The following SPOCK2 variants were observed in gnomAD, a reference collection of about 807,000 sequenced individuals.
The protein encoded by SPOCK2 is SPARC (osteonectin), cwcv and kazal like domains proteoglycan 2, also known as testican-2.
In SPOCK2, 39 loss-of-function variants were observed where a neutral mutation model predicts 60.1. The ratio of observed to expected loss-of-function variants is 0.65; its 90% CI spans 0.50 to 0.85. The LOEUF is 0.85. Ranked by LOEUF, SPOCK2 falls within the 40% of genes least tolerant of loss-of-function variation. The probability of loss-of-function intolerance (pLI) is 0.00; values close to 1 mark genes in which losing one functional copy is unlikely to be tolerated. For synonymous variants in SPOCK2, 217 were observed against 231.5 expected (o/e 0.94, Z 0.57); for missense variants, 523 against 567.4 (o/e 0.92, Z 0.80).
chr10:72,080,341 T>G (rs1321878541), intron 1 of SPOCK2, among the ~76,000 whole-genome samples: 2 of 152,220 alleles, frequency 1.3e-5, no homozygotes, highest in Non-Finnish European at 2.9e-5. Context: ...GCCCTGTATC[T>G]GCCATTATTT....
At chr10:72,071,001 G>A (rs545527328) in intron 4 of SPOCK2, among the ~76,000 whole-genome samples, 2 of 152,036 alleles carry the variant, frequency 1.3e-5, no homozygotes, top group Non-Finnish European at 2.9e-5. Flanking sequence ...AGAGTGGCCC[G>A]TGACCAAGCA....
chr10:72,088,439 C>T lies in SPOCK2; in HGVS notation c.-111G>A. 7.7e-7 allele frequency: 1 copy of T among 1,298,796 alleles called. No individual in the cohort carries two copies. Among genetic ancestry groups the T allele is most frequent in the Non-Finnish European group, 1.0e-6 (1 of 978,522 alleles). The allele number at this position is 1,298,796 out of a possible 1,614,324, so 80.5% of individuals were successfully genotyped here. On this transcript the variant is annotated 5_prime_UTR_variant, in exon 1 of 11. Transcript: ENST00000373109. Reference sequence around the variant, plus strand: ...GCGGCTGTCCTCAGCTCTCCTCCCGCGGTCTGCCTCCGGTGACTGGCGGAG... The same window carrying T: ...GCGGCTGTCCTCAGCTCTCCTCCCGTGGTCTGCCTCCGGTGACTGGCGGAG...
rs1840599498 is a variant in SPOCK2 at position 72,068,286 on chromosome 10, G to A, written c.490C>T (p.Gln164Ter). The A allele has an allele frequency of 6.2e-7, 1 of 1,611,172 alleles. No homozygotes were observed. The highest frequency in any genetic ancestry group is 8.5e-7 in the Non-Finnish European group (1 of 1,179,002). Residue 164 changes from glutamine to a stop codon, truncating the protein, a stop_gained, in exon 6 of 11, where the codon CAG becomes TAG. Coordinates refer to ENST00000373109, the MANE Select transcript of SPOCK2 (RefSeq NM_001244950.2). LOFTEE classifies it high-confidence loss of function. ...AGCTGCTTGCTGCTCAGGCACGCCT[G>A]TTGCTCCAGCTTACACTGCACATGG... ...TYSSVCKLEQ[Q>*]ACLSSKQLAV... is the part of the protein sequence containing the mutation.
At chr10:72,079,463 A>G (rs1336517105) in intron 1 of SPOCK2, among the ~76,000 whole-genome samples, 2 of 152,070 alleles carry the variant, frequency 1.3e-5, no homozygotes, top group African/African-American at 4.8e-5. Context: ...GCTGGTTTGG[A>G]GCTAACCCAT....
chr10:72,078,015 T>C (rs1403821953), intron 1 of SPOCK2, among the ~76,000 whole-genome samples: 3 of 152,118 alleles, frequency 2.0e-5, no homozygotes, highest in South Asian at 2.1e-4. Context: ...TGAAACTGAA[T>C]ATACAGTTTG....
At position 72,063,553 on chromosome 10, in the gene SPOCK2, C is replaced by T. The variant is rs562315779; in HGVS notation, c.992-391G>A. Among the ~76,000 whole-genome samples, 10 of 152,352 alleles carry T rather than the reference C, an allele frequency of 6.6e-5. No homozygotes were observed. The East Asian group carries it at 1.9e-3, about 29-fold the overall frequency. The stretch of plus-strand genomic sequence containing the variant: ...CCCTGCTAGGAAGGCCCAGCCTTCT[C>T]CTCCCAGCCACTCTGAGTCCGACCT... On this transcript the variant is annotated intron_variant, in intron 9 of 10. Transcript: ENST00000373109.
Position 72,067,488 on chromosome 10 carries a change from G to T in SPOCK2, c.709+125C>A. The T allele has an allele frequency of 2.0e-6, 3 of 1,492,184 alleles. No individual in the cohort carries two copies. The South Asian group carries it at 3.9e-5, about 19-fold the overall frequency. 92.4% of individuals were successfully genotyped at this position (1,492,184 alleles called of 1,614,324 possible). ...TCTTTGGGGTGAAGGTTCTTTTGGG[G>T]CCCAGATTGTAGGGCCCAGAGTCTG... On this transcript the variant is annotated intron_variant, in intron 7 of 10. Transcript: ENST00000373109.
In SPOCK2 at chr10:72,067,008, G is replaced by A. The variant is rs750364273; in HGVS notation, c.822C>T (p.Asn274=). 1.6e-5 allele frequency: 26 copies of A among 1,614,088 alleles called. No homozygotes were observed. The East Asian group carries it at 5.6e-4, about 35-fold the overall frequency. Residue 274 remains asparagine, a synonymous_variant, in exon 8 of 11, where the codon AAC becomes AAT. Coordinates refer to ENST00000373109, the MANE Select transcript of SPOCK2 (RefSeq NM_001244950.2). ...FLDQTELAAI[N]LDKYEVCIRP... is the part of the protein sequence containing the mutation. ...GGATGCAGACCTCGTACTTGTCCAGGTTGATGGCGGCCAGCTCCGTCTGGT... is the reference window on the plus strand; with the variant it reads ...GGATGCAGACCTCGTACTTGTCCAGATTGATGGCGGCCAGCTCCGTCTGGT...
intron 6 of SPOCK2, 99 bp downstream of exon 6, chr10:72,068,088 C>A: frequency 7.2e-7 from 1 of 1,382,636 alleles, no homozygotes; most frequent in South Asian, 1.3e-5. Flanking sequence ...TGCCACTTCC[C>A]TCTTGCTCTG....
In SPOCK2 at chr10:72,060,814, C is replaced by T. The variant is rs922506620; in HGVS notation, c.*1946G>A. ...GTTAAGTGGGGCTCTGCTATTTCCC[C>T]CAAGAAGGACTCGGAAGATGTTGAT... On this transcript the variant is annotated 3_prime_UTR_variant, in exon 11 of 11. Coordinates refer to ENST00000373109, the MANE Select transcript of SPOCK2 (RefSeq NM_001244950.2). 6.6e-6 allele frequency: 1 copy of T among 152,228 alleles called. No individual in the cohort carries two copies. The highest frequency in any genetic ancestry group is 2.4e-5 in the African/African-American group (1 of 41,418). 9.4% of individuals were successfully genotyped at this position (152,228 alleles called of 1,614,324 possible). A position where few individuals can be genotyped will look rare whatever the true frequency, so the allele number is the denominator to read the frequency against.
chr10:72,064,196 C>T lies in SPOCK2; in HGVS notation c.973G>A (p.Ala325Thr), dbSNP rs1180148227. The T allele has an allele frequency of 6.2e-7, 1 of 1,611,806 alleles. No individual in the cohort carries two copies. Among genetic ancestry groups the T allele is most frequent in the Non-Finnish European group, 8.5e-7 (1 of 1,179,256 alleles). Residue 325 changes from alanine (A) to threonine (T), a missense_variant, in exon 9 of 11, where the codon GCC (alanine) becomes ACC (threonine). Coordinates refer to ENST00000373109, the MANE Select transcript of SPOCK2 (RefSeq NM_001244950.2). The part of the protein sequence containing the change: ...AELERIQIQE[A>T]AKKKPGIFIP... ...CCCTCACCTGGCTTCTTCTTGGCGG[C>T]CTCCTGGATCTGGATGCGCTCCAGC...
At chr10:72,069,616 C>T (rs1270948940) in intron 5 of SPOCK2, among the ~76,000 whole-genome samples, 2 of 152,134 alleles carry the variant, frequency 1.3e-5, no homozygotes, top group South Asian at 4.2e-4. Context: ...CGCCACTGCA[C>T]CCAGCTAATT....
intron 1 of SPOCK2, among the ~76,000 whole-genome samples, chr10:72,075,713 C>T (rs1309181251): frequency 6.6e-6 from 1 of 152,222 alleles, no homozygotes; most frequent in Non-Finnish European, 1.5e-5. Flanking sequence ...CAAAGCACTG[C>T]CCCCGGTTCC....
At chr10:72,076,795 A>C (rs1840720450) in intron 1 of SPOCK2, among the ~76,000 whole-genome samples, 1 of 152,224 alleles carries the variant, frequency 6.6e-6, no homozygotes, top group South Asian at 2.1e-4. Flanking sequence ...CCTGTGAAGT[A>C]GTCAGAGCCA....
At chr10:72,078,957 G>A (rs767228222) in intron 1 of SPOCK2, among the ~76,000 whole-genome samples, 2 of 152,124 alleles carry the variant, frequency 1.3e-5, no homozygotes, top group Non-Finnish European at 2.9e-5. Context: ...CCAACATCTA[G>A]TACCTAGTAA....
chr10:72,073,426 G>T (rs1388755394), intron 1 of SPOCK2, among the ~76,000 whole-genome samples: 2 of 152,316 alleles, frequency 1.3e-5, no homozygotes, highest in East Asian at 3.9e-4. Flanking sequence ...TTTGCTCAAG[G>T]TCTGACATCT....
At chr10:72,086,756 G>A (rs1049677249) in intron 1 of SPOCK2, 4 of 1,449,576 alleles carry the variant, frequency 2.8e-6, no homozygotes, top group Non-Finnish European at 3.6e-6. Context: ...CGTGGTTCCT[G>A]CTGTCCTCTG....
chr10:72,064,824 G>T (rs907069090), intron 8 of SPOCK2, among the ~76,000 whole-genome samples: 2 of 151,886 alleles, frequency 1.3e-5, no homozygotes, highest in South Asian at 4.2e-4. Flanking sequence ...TCTGCCTCCC[G>T]GGTTCACGCC....
chr10:72,080,434 T>G (rs1266548694), intron 1 of SPOCK2, among the ~76,000 whole-genome samples: 1 of 152,136 alleles, frequency 6.6e-6, no homozygotes, highest in Admixed American at 6.5e-5. Context: ...AGCTTGCCTC[T>G]GTGGCCTCCT....
Sources: gnomAD v4.1 joint callset for allele counts (sites outside exome capture counted in the v4.1 genomes callset) on GRCh38, gnomAD v4.1.1 for gene constraint, MANE v1.5 for transcripts, NCBI Gene and HGNC (gene_info 2026-07-23, HGNC 2026-07-21) for gene names.